JARID2: variants seen among roughly 807,000 people sequenced by gnomAD.
The protein encoded by JARID2 is protein Jumonji.
Under a neutral mutation model 125.6 loss-of-function variants are expected in JARID2, and 21 were observed. The ratio of observed to expected loss-of-function variants is 0.17; its 90% CI spans 0.12 to 0.24. The LOEUF is 0.24. Among genes scored for constraint, JARID2 ranks in the 10% least tolerant of loss-of-function variants. The pLI is 1.00. For synonymous variants in JARID2, 736 were observed against 661.6 expected (o/e 1.11, Z -1.73); for missense variants, 1,303 against 1,639.6 (o/e 0.79, Z 3.55).
At chr6:15,502,946 C>G (rs1050600690) in intron 8 of JARID2, among the ~76,000 whole-genome samples, 1 of 152,222 alleles carries the variant, frequency 6.6e-6, no homozygotes, top group Non-Finnish European at 1.5e-5. Flanking sequence ...CTCAGTGAAT[C>G]CTGTGACTGA....
At position 15,376,908 on chromosome 6, in the gene JARID2, CT is replaced by C. The variant is rs368679194; in HGVS notation, c.181+2657del. On this transcript the variant is annotated intron_variant, in intron 2 of 17. Coordinates refer to ENST00000341776, the MANE Select transcript of JARID2 (RefSeq NM_004973.4). ...GTAGGGAGCAACCAAGACTTTAGGG[CT>C]GGTGAGGCTAGGAGTAGGGGTTGTT... Among the ~76,000 whole-genome samples the C allele has an allele frequency of 1.8e-4, 27 of 152,232 alleles. No individual in the cohort carries two copies. In the East Asian group the frequency reaches 1.9e-3, roughly 11 times the overall value.
At chr6:15,494,413 CTTTTT>C (rs60218567) in intron 6 of JARID2, among the ~76,000 whole-genome samples, 18 of 80,582 alleles carry the variant, frequency 2.2e-4, no homozygotes, top group East Asian at 4.3e-4. Flanking sequence ...TTTGGCAAGT[CTTTTT>C]TTTTTTTTTT....
chr6:15,382,176 T>A (rs1188759219), intron 2 of JARID2, among the ~76,000 whole-genome samples: 1 of 152,146 alleles, frequency 6.6e-6, no homozygotes, highest in Non-Finnish European at 1.5e-5. Flanking sequence ...AGCAGGAGAA[T>A]TGCTGGAACC....
At chr6:15,447,066 C>T (rs981488168) in intron 3 of JARID2, among the ~76,000 whole-genome samples, 3 of 152,110 alleles carry the variant, frequency 2.0e-5, no homozygotes, top group East Asian at 3.9e-4. Flanking sequence ...AGCTCGTATC[C>T]GTCTTCTTCT....
chr6:15,491,992 C>G (rs534019642), intron 6 of JARID2, among the ~76,000 whole-genome samples: 3 of 152,218 alleles, frequency 2.0e-5, no homozygotes, highest in Non-Finnish European at 4.4e-5. Flanking sequence ...TCTGGCCGAA[C>G]GTAACTTGAA....
intron 6 of JARID2, among the ~76,000 whole-genome samples, chr6:15,487,772 C>G (rs1014305529): frequency 1.3e-5 from 2 of 152,252 alleles, no homozygotes; most frequent in Non-Finnish European, 2.9e-5. Context: ...ACTGCATTCA[C>G]CAAGAAAGTG....
rs181933935 is a variant in JARID2 at position 15,351,484 on chromosome 6, A to G, written c.46-22633A>G. ...CTGGGTCTCATCCCTGCTCTGCTCCAGAGGGGTTCAAATGAGCAGATCTTT... is the reference window on the plus strand; with the variant it reads ...CTGGGTCTCATCCCTGCTCTGCTCCGGAGGGGTTCAAATGAGCAGATCTTT... On this transcript the variant is annotated intron_variant, in intron 1 of 17. Transcript: ENST00000341776. Among the ~76,000 whole-genome samples, 644 of 152,272 alleles carry G rather than the reference A, an allele frequency of 4.2e-3. 5 individuals are homozygous for G. Among genetic ancestry groups the G allele is most frequent in the African/African-American group, 0.014 (600 of 41,554 alleles).
At chr6:15,413,008 G>GTTTTTGTTTTTTTTTTTT (rs1765958811) in intron 3 of JARID2, among the ~76,000 whole-genome samples, 5 of 47,474 alleles carry the variant, frequency 1.1e-4, no homozygotes, top group East Asian at 5.4e-4. Flanking sequence ...TTGTGTTTTT[G>GTTTTTGTTTTTTTTTTTT]TTTTTTTTTT....
intron 1 of JARID2, among the ~76,000 whole-genome samples, chr6:15,342,297 C>T (rs1581433547): frequency 6.6e-6 from 1 of 152,198 alleles, no homozygotes; most frequent in East Asian, 1.9e-4. Context: ...TATTGTCTCC[C>T]AGGCAGTATG....
intron 1 of JARID2, among the ~76,000 whole-genome samples, chr6:15,267,326 C>T (rs1333347054): frequency 6.6e-6 from 1 of 152,090 alleles, no homozygotes; most frequent in East Asian, 1.9e-4. Flanking sequence ...CTTTTATCTA[C>T]ATAGAGATAG....
chr6:15,446,507 G>A (rs1305228805), intron 3 of JARID2, among the ~76,000 whole-genome samples: 1 of 152,248 alleles, frequency 6.6e-6, no homozygotes, highest in African/African-American at 2.4e-5. Context: ...GGCATGGCAA[G>A]AGAAAGAGTA....
At chr6:15,413,023 G>GTTTTTTTTTTTTTTTTTTTTTTTTTTTT (rs1349875486) in intron 3 of JARID2, among the ~76,000 whole-genome samples, 1 of 68,008 alleles carries the variant, frequency 1.5e-5, no homozygotes, top group Non-Finnish European at 2.6e-5. Flanking sequence ...TTTTTTTTTT[G>GTTTTTTTTTTTTTTTTTTTTTTTTTTTT]TTTTTTTTTT....
At chr6:15,415,850 G>T (rs868621695) in intron 3 of JARID2, among the ~76,000 whole-genome samples, 5 of 139,596 alleles carry the variant, frequency 3.6e-5, no homozygotes, top group South Asian at 2.4e-4. Context: ...CCCGGACGGG[G>T]CGGCTGGCTG....
intron 2 of JARID2, among the ~76,000 whole-genome samples, chr6:15,392,810 A>C (rs1205040643): frequency 6.7e-6 from 1 of 149,000 alleles, no homozygotes; most frequent in African/African-American, 2.5e-5. Context: ...TCATCCTCCC[A>C]GGTAGCGGGG....
At chr6:15,393,726 A>C (rs1765112136) in intron 2 of JARID2, among the ~76,000 whole-genome samples, 1 of 152,350 alleles carries the variant, frequency 6.6e-6, no homozygotes, top group East Asian at 1.9e-4. Context: ...AACAGTGATT[A>C]CTGGTATATT....
At chr6:15,461,145 A>G (rs562715083) in intron 4 of JARID2, among the ~76,000 whole-genome samples, 28 of 152,380 alleles carry the variant, frequency 1.8e-4, no homozygotes, top group African/African-American at 6.5e-4. Flanking sequence ...ACCTTGTGGC[A>G]TTTGACTGGG....
chr6:15,347,371 G>A (rs1763278181), intron 1 of JARID2, among the ~76,000 whole-genome samples: 1 of 152,178 alleles, frequency 6.6e-6, no homozygotes, highest in Non-Finnish European at 1.5e-5. Context: ...AAGTGCACAT[G>A]CTTGATGATG....
intron 1 of JARID2, among the ~76,000 whole-genome samples, chr6:15,307,401 T>C (rs1761870687): frequency 6.6e-6 from 1 of 152,068 alleles, no homozygotes; most frequent in Non-Finnish European, 1.5e-5. Flanking sequence ...TTTTGTATTT[T>C]TAGTAGAGAT....
At chr6:15,430,132 C>T (rs1425930918) in intron 3 of JARID2, among the ~76,000 whole-genome samples, 7 of 152,224 alleles carry the variant, frequency 4.6e-5, no homozygotes, top group Non-Finnish European at 8.8e-5. Context: ...TTAACCTCTG[C>T]ATCTATGTCC....
Sources: allele counts gnomAD v4.1 joint callset (sites outside exome capture counted in the v4.1 genomes callset), GRCh38; gene constraint gnomAD v4.1.1; transcripts MANE v1.5; gene names NCBI Gene and HGNC (gene_info 2026-07-23, HGNC 2026-07-21).